The following ERC2 variants were observed in gnomAD, a reference collection of about 807,000 sequenced individuals.
The protein encoded by ERC2 is ELKS/RAB6-interacting/CAST family member 2, also known as ERC protein 2.
ERC2 carries 42 observed loss-of-function variants against 114.8 expected under a neutral mutation model. That is an observed-to-expected ratio of 0.37 (90% CI 0.29 to 0.47). ERC2 has a LOEUF of 0.47. Among genes scored for constraint, ERC2 ranks in the 20% least tolerant of loss-of-function variants. ERC2 has a pLI of 0.99. For synonymous variants in ERC2, 454 were observed against 425.5 expected (o/e 1.07, Z -0.82); for missense variants, 939 against 1,150.7 (o/e 0.82, Z 2.66).
intron 14 of ERC2, among the ~76,000 whole-genome samples, chr3:55,775,509 C>A (rs537686072): frequency 1.3e-5 from 2 of 148,434 alleles, no homozygotes; most frequent in Non-Finnish European, 3.0e-5. Context: ...CCAGCCTGGG[C>A]GACTCTGGCA....
rs533195064 is a variant in ERC2 at position 56,335,991 on chromosome 3, A to G, written c.658-39556T>C. Among the ~76,000 whole-genome samples the G allele has an allele frequency of 6.6e-5, 10 of 152,326 alleles. No individual in the cohort carries two copies. The East Asian group carries it at 1.9e-3, about 29-fold the overall frequency. On this transcript the variant is annotated intron_variant, in intron 2 of 17. Transcript: ENST00000288221. ...ATTAAAAAATAAATAAGTAAATAAC[A>G]AGAAGTATCTACCCTACCTTGTAGG...
rs572073887 is a variant in ERC2, at chr3:56,318,334, C to T, written c.658-21899G>A. Among the ~76,000 whole-genome samples the T allele has an allele frequency of 3.9e-5, 6 of 152,142 alleles. No homozygotes were observed. The East Asian group carries it at 1.2e-3, about 29-fold the overall frequency. ...GGGACTACAGGCATGTGCCACCATG[C>T]CGAGCTAATTTTTGTATTTTTTTGT... On this transcript the variant is annotated intron_variant, in intron 2 of 17. Coordinates refer to ENST00000288221, the MANE Select transcript of ERC2 (RefSeq NM_015576.3).
At chr3:56,102,638 A>G (rs2078423976) in intron 6 of ERC2, among the ~76,000 whole-genome samples, 1 of 152,198 alleles carries the variant, frequency 6.6e-6, no homozygotes, top group Non-Finnish European at 1.5e-5. Flanking sequence ...ATAATTAGAC[A>G]AAGAAGAAAT....
At chr3:56,119,658 T>C (rs2079461658) in intron 6 of ERC2, among the ~76,000 whole-genome samples, 1 of 152,252 alleles carries the variant, frequency 6.6e-6, no homozygotes, top group Non-Finnish European at 1.5e-5. Flanking sequence ...GAGCCATCTC[T>C]GGTTTATTCA....
At chr3:55,634,424 C>A (rs1280178790) in intron 17 of ERC2, among the ~76,000 whole-genome samples, 1 of 152,034 alleles carries the variant, frequency 6.6e-6, no homozygotes, top group Non-Finnish European at 1.5e-5. Context: ...TTGTCAGTCC[C>A]GGCTGTAACA....
At chr3:56,012,368 A>G (rs1342740256) in intron 8 of ERC2, among the ~76,000 whole-genome samples, 1 of 152,136 alleles carries the variant, frequency 6.6e-6, no homozygotes, top group Non-Finnish European at 1.5e-5. Flanking sequence ...TGGCTGGATC[A>G]CGTGGCACTT....
At chr3:55,832,901 A>C (rs1200251605) in intron 14 of ERC2, among the ~76,000 whole-genome samples, 2 of 152,168 alleles carry the variant, frequency 1.3e-5, no homozygotes, top group African/African-American at 4.8e-5. Flanking sequence ...ACCAATACAG[A>C]GAAGTGCTTA....
intron 17 of ERC2, among the ~76,000 whole-genome samples, chr3:55,533,845 T>G (rs142988396): frequency 3.9e-5 from 6 of 152,298 alleles, no homozygotes; most frequent in African/African-American, 1.4e-4. Flanking sequence ...TTATAACATT[T>G]CCTTCGAATT....
intron 6 of ERC2, among the ~76,000 whole-genome samples, chr3:56,134,934 TTGTTTTTG>T (rs2080417889): frequency 6.8e-6 from 1 of 147,574 alleles, no homozygotes; most frequent in African/African-American, 2.6e-5. Context: ...TTTTTTGTTT[TTGTTTTTG>T]TTTTTGTTTT....
chr3:56,277,444 C>T (rs535293601), intron 3 of ERC2, among the ~76,000 whole-genome samples: 50 of 152,198 alleles, frequency 3.3e-4, no homozygotes, highest in African/African-American at 1.2e-3. Flanking sequence ...CTCCCAAAAC[C>T]CTGCCTCCCT....
At chr3:56,261,282 G>A (rs937283154) in intron 3 of ERC2, among the ~76,000 whole-genome samples, 1 of 152,128 alleles carries the variant, frequency 6.6e-6, no homozygotes, top group Non-Finnish European at 1.5e-5. Context: ...AAACACTCCA[G>A]AACATATTTA....
intron 2 of ERC2, among the ~76,000 whole-genome samples, chr3:56,316,983 T>A (rs1333295644): frequency 6.6e-6 from 1 of 152,228 alleles, no homozygotes; most frequent in Non-Finnish European, 1.5e-5. Context: ...GACTGTTTAT[T>A]CAGTGTGCTA....
chr3:56,383,959 T>G (rs1236428853), intron 2 of ERC2, among the ~76,000 whole-genome samples: 1 of 152,214 alleles, frequency 6.6e-6, no homozygotes, highest in Non-Finnish European at 1.5e-5. Flanking sequence ...AATATTTGCC[T>G]TCTTGTGACT....
At chr3:56,287,277 C>A (rs2054784242) in intron 3 of ERC2, among the ~76,000 whole-genome samples, 1 of 152,144 alleles carries the variant, frequency 6.6e-6, no homozygotes, top group Non-Finnish European at 1.5e-5. Context: ...GGAGACAAAG[C>A]ATTTCTTTTT....
intron 7 of ERC2, among the ~76,000 whole-genome samples, chr3:56,068,009 T>C (rs1159998782): frequency 6.6e-6 from 1 of 152,162 alleles, no homozygotes; most frequent in African/African-American, 2.4e-5. Flanking sequence ...TTTGTTGTTG[T>C]TGTGTCTCTG....
At chr3:55,796,166 G>A (rs2149088077) in intron 14 of ERC2, among the ~76,000 whole-genome samples, 1 of 152,342 alleles carries the variant, frequency 6.6e-6, no homozygotes, top group Admixed American at 6.5e-5. Context: ...GAGGAAGCCA[G>A]ACACAGGACA....
intron 11 of ERC2, among the ~76,000 whole-genome samples, chr3:55,986,267 G>C (rs953032422): frequency 2.0e-5 from 3 of 152,156 alleles, no homozygotes; most frequent in Non-Finnish European, 4.4e-5. Flanking sequence ...TGAACCAGAG[G>C]TGTGCTCCCA....
intron 14 of ERC2, among the ~76,000 whole-genome samples, chr3:55,870,375 G>C (rs2062527013): frequency 6.6e-6 from 1 of 152,176 alleles, no homozygotes; most frequent in South Asian, 2.1e-4. Flanking sequence ...ATACCCGGCA[G>C]GGTAGACTTT....
At chr3:56,442,270 G>C (rs2062351942) in intron 1 of ERC2, among the ~76,000 whole-genome samples, 1 of 152,114 alleles carries the variant, frequency 6.6e-6, no homozygotes, top group African/African-American at 2.4e-5. Context: ...ACCCAGGCTG[G>C]AGTGCAGTGG....
Sources: allele counts gnomAD v4.1 joint callset (sites outside exome capture counted in the v4.1 genomes callset), GRCh38; gene constraint gnomAD v4.1.1; transcripts MANE v1.5; gene names NCBI Gene and HGNC (gene_info 2026-07-23, HGNC 2026-07-21).